LAMP5: variants seen among roughly 807,000 people sequenced by gnomAD.
LAMP5 encodes lysosome-associated membrane glycoprotein 5.
LAMP5 carries 36 observed loss-of-function variants against 30.2 expected under a neutral mutation model. The observed-to-expected ratio is 1.19, with a 90% CI of 0.91 to 1.57. The LOEUF (loss-of-function observed/expected upper bound fraction) is 1.57, where lower values mean the gene tolerates loss of function less well. Ranked by LOEUF, LAMP5 falls within the 40% of genes most tolerant of loss-of-function variation. LAMP5 has a pLI of 0.00. For missense variants in LAMP5, 377 were observed against 354.9 expected (o/e 1.06, Z -0.50); for synonymous variants, 149 against 134.6 (o/e 1.11, Z -0.74).
At chr20:9,515,222 T>G (rs1268910673) in intron 1 of LAMP5, among the ~76,000 whole-genome samples, 1 of 150,778 alleles carries the variant, frequency 6.6e-6, no homozygotes, top group Non-Finnish European at 1.5e-5. Flanking sequence ...GCCAGCTATA[T>G]TACAAACAAA....
chr20:9,520,766 G>A (rs897128376), intron 5 of LAMP5, among the ~76,000 whole-genome samples: 8 of 152,106 alleles, frequency 5.3e-5, no homozygotes, highest in Non-Finnish European at 7.4e-5. Flanking sequence ...CCACGAAGTC[G>A]GTAAGTGGAC....
Position 9,515,560 on chromosome 20 carries a change from C to T in LAMP5, c.172C>T (p.Leu58Phe), listed in dbSNP as rs948624392. 1.2e-6 allele frequency: 2 copies of T among 1,614,070 alleles called. No homozygotes were observed. Among genetic ancestry groups the T allele is most frequent in the African/African-American group, 1.3e-5 (1 of 74,908 alleles). The part of the protein sequence containing the change: ...FVVRENGTTC[L>F]MAEFAAKFIV... ...GGTGCGGGAAAATGGGACGACGTGT[C>T]TCATGGCAGAGTTTGCAGCCAAATT... The change falls in exon 2 of 6, where the codon CTC (leucine) becomes TTC (phenylalanine). Residue 58 changes from leucine (L) to phenylalanine (F), a missense_variant. Transcript: ENST00000246070.
In LAMP5 at chr20:9,515,658, C is replaced by T. The variant is rs1432408120; in HGVS notation, c.237+33C>T. On this transcript the variant is annotated intron_variant, in intron 2 of 5. Transcript: ENST00000246070. ...ATCTTTCCCCCCCCTCAGCTTGCTC[C>T]TAGGGCTCCAGGGCGAAGGGCACCC... 2.5e-6 allele frequency: 4 copies of T among 1,607,834 alleles called. No individual in the cohort carries two copies. The Admixed American group carries it at 5.0e-5, about 20-fold the overall frequency.
chr20:9,525,190 A>C (rs1027629012), intron 5 of LAMP5, among the ~76,000 whole-genome samples: 2 of 152,140 alleles, frequency 1.3e-5, no homozygotes, highest in Non-Finnish European at 2.9e-5. Context: ...TAATTTTCTT[A>C]AAGAATGGGA....
At chr20:9,514,948 A>G (rs1352683573) in intron 1 of LAMP5, 32 bp downstream of exon 1, 1 of 1,597,710 alleles carries the variant, frequency 6.3e-7, no homozygotes, top group East Asian at 2.2e-5. Flanking sequence ...GGGAGAGAGG[A>G]CGGGCACTCT....
Position 9,518,071 on chromosome 20 carries a change from C to G in LAMP5, c.507C>G (p.Leu169=), listed in dbSNP as rs28422869. Residue 169 remains leucine (L), a synonymous_variant, in exon 5 of 6, where the codon CTC becomes CTG. Transcript: ENST00000246070. ...AGKHTANSHH[L]SALVTPAGKS... ...AGCACACAGCCAACTCGCACCACCT[C>G]TCTGCCTTGGTCACCCCCGCTGGGA... 6.2e-7 allele frequency: 1 copy of G among 1,614,106 alleles called. No homozygotes were observed. Among genetic ancestry groups the G allele is most frequent in the South Asian group, 1.1e-5 (1 of 91,074 alleles).
chr20:9,515,646 C>T lies in LAMP5; in HGVS notation c.237+21C>T, dbSNP rs75102532. The T allele has an allele frequency of 8.1e-6, 13 of 1,611,094 alleles. No homozygotes were observed. The East Asian group carries it at 1.1e-4, about 14-fold the overall frequency. ...TAGATGTAAGGAATCTTTCCCCCCC[C>T]TCAGCTTGCTCCTAGGGCTCCAGGG... On this transcript the variant is annotated intron_variant, in intron 2 of 5. Transcript: ENST00000246070.
At chr20:9,528,320 G>A (rs531668812) in intron 5 of LAMP5, among the ~76,000 whole-genome samples, 288 of 141,882 alleles carry the variant, frequency 2.0e-3, no homozygotes, top group African/African-American at 7.8e-3. Context: ...GTGTGTGTGT[G>A]TGCGTGTGTG....
chr20:9,516,160 C>T, intron 3 of LAMP5, 29 bp downstream of exon 3: 1 of 1,586,654 alleles, frequency 6.3e-7, no homozygotes, highest in Non-Finnish European at 8.6e-7. Context: ...GGCAGAGGGG[C>T]CGCAGGCTCC....
intron 5 of LAMP5, among the ~76,000 whole-genome samples, chr20:9,525,045 C>T (rs903414413): frequency 2.0e-5 from 3 of 152,072 alleles, no homozygotes; most frequent in East Asian, 1.9e-4. Flanking sequence ...CTTTATATTG[C>T]CCTTTCCTGT....
chr20:9,523,926 G>A (rs960316868), intron 5 of LAMP5, among the ~76,000 whole-genome samples: 6 of 152,126 alleles, frequency 3.9e-5, no homozygotes, highest in African/African-American at 1.4e-4. Flanking sequence ...AGAATTCAGA[G>A]GAAAAAATTT....
intron 5 of LAMP5, among the ~76,000 whole-genome samples, chr20:9,524,368 A>G (rs2045097671): frequency 6.6e-6 from 1 of 152,204 alleles, no homozygotes; most frequent in South Asian, 2.1e-4. Flanking sequence ...AGAATAGAAT[A>G]GAGCATAAAT....
intron 5 of LAMP5, among the ~76,000 whole-genome samples, chr20:9,529,141 C>T (rs2045133448): frequency 6.6e-6 from 1 of 152,102 alleles, no homozygotes; most frequent in Non-Finnish European, 1.5e-5. Context: ...GTATGTTTGT[C>T]TTTATTAGAA....
intron 5 of LAMP5, among the ~76,000 whole-genome samples, chr20:9,524,621 CAAAA>C (rs1302966726): frequency 9.6e-6 from 1 of 104,306 alleles, no homozygotes; most frequent in Non-Finnish European, 2.0e-5. Flanking sequence ...AAAAAACAAA[CAAAA>C]AAAACCTTGG....
At chr20:9,519,616 T>G (rs1193311739) in intron 5 of LAMP5, among the ~76,000 whole-genome samples, 1 of 152,250 alleles carries the variant, frequency 6.6e-6, no homozygotes, top group East Asian at 1.9e-4. Flanking sequence ...GTGTCTCTCT[T>G]AAACTGAAAA....
At position 9,515,628 on chromosome 20, in the gene LAMP5, A is replaced by G; in HGVS notation, c.237+3A>G. 6.2e-7 allele frequency: 1 copy of G among 1,607,718 alleles called. No individual in the cohort carries two copies. Among genetic ancestry groups the G allele is most frequent in the East Asian group, 2.2e-5 (1 of 44,766 alleles). On this transcript the variant is annotated splice_donor_region_variant and intron_variant, in intron 2 of 5. Coordinates refer to ENST00000246070, the MANE Select transcript of LAMP5 (RefSeq NM_012261.4). ...TGTGGGCCAGCAACTACGTAGATGT[A>G]AGGAATCTTTCCCCCCCCTCAGCTT...
chr20:9,527,614 T>C (rs2045122932), intron 5 of LAMP5, among the ~76,000 whole-genome samples: 2 of 152,192 alleles, frequency 1.3e-5, no homozygotes, highest in South Asian at 4.1e-4. Context: ...ACTTGGTGTT[T>C]ATGAAGAGAC....
intron 5 of LAMP5, among the ~76,000 whole-genome samples, chr20:9,521,145 G>A (rs2045077288): frequency 6.6e-6 from 1 of 152,154 alleles, no homozygotes; most frequent in Non-Finnish European, 1.5e-5. Flanking sequence ...ACTGTGCAGA[G>A]GGAAGCTTAT....
At chr20:9,516,912 C>G (rs1439522124) in intron 4 of LAMP5, among the ~76,000 whole-genome samples, 2 of 152,136 alleles carry the variant, frequency 1.3e-5, no homozygotes, top group African/African-American at 4.8e-5. Context: ...TCTGGCCCAT[C>G]CCTCCGACAA....
Sources: gnomAD v4.1 joint callset for allele counts (sites outside exome capture counted in the v4.1 genomes callset) on GRCh38, gnomAD v4.1.1 for gene constraint, MANE v1.5 for transcripts, NCBI Gene and HGNC (gene_info 2026-07-23, HGNC 2026-07-21) for gene names.